SDK1: variants seen among roughly 807,000 people sequenced by gnomAD.
The protein encoded by SDK1 is sidekick cell adhesion molecule 1, also known as protein sidekick-1.
SDK1 carries 157 observed loss-of-function variants against 245.5 expected under a neutral mutation model. The ratio of observed to expected loss-of-function variants is 0.64; its 90% CI spans 0.56 to 0.73. The LOEUF is 0.73. Among genes scored for constraint, SDK1 ranks in the 30% least tolerant of loss-of-function variants. SDK1 has a pLI of 0.00. For synonymous variants in SDK1, 1,647 were observed against 1,278.5 expected (o/e 1.29, Z -6.15); for missense variants, 3,583 against 3,002.3 (o/e 1.19, Z -4.52).
intron 4 of SDK1, among the ~76,000 whole-genome samples, chr7:3,656,902 C>T (rs939788680): frequency 4.7e-4 from 71 of 152,236 alleles, no homozygotes; most frequent in African/African-American, 1.5e-3. Context: ...CGCCGGCCAC[C>T]GCGCCCGGCT....
chr7:3,496,550 T>C (rs1344964424), intron 1 of SDK1, among the ~76,000 whole-genome samples: 1 of 152,196 alleles, frequency 6.6e-6, no homozygotes, highest in East Asian at 1.9e-4. Flanking sequence ...TCATATTCTT[T>C]TGCATGAACA....
intron 38 of SDK1, among the ~76,000 whole-genome samples, chr7:4,216,485 G>A (rs1784803139): frequency 6.6e-6 from 1 of 152,202 alleles, no homozygotes; most frequent in African/African-American, 2.4e-5. Context: ...ATTGCATCAG[G>A]ATTCCCAACG....
At chr7:3,477,388 G>T (rs1307261361) in intron 1 of SDK1, among the ~76,000 whole-genome samples, 1 of 150,950 alleles carries the variant, frequency 6.6e-6, no homozygotes, top group East Asian at 2.0e-4. Flanking sequence ...TAGAGATGGG[G>T]TTTCACCTTG....
chr7:3,594,155 C>G (rs1007615959), intron 1 of SDK1, among the ~76,000 whole-genome samples: 1 of 152,194 alleles, frequency 6.6e-6, no homozygotes, highest in African/African-American at 2.4e-5. Flanking sequence ...CACTCACCTA[C>G]TTTGTATAGA....
At chr7:3,719,021 T>G (rs1311637360) in intron 4 of SDK1, among the ~76,000 whole-genome samples, 2 of 152,234 alleles carry the variant, frequency 1.3e-5, no homozygotes, top group Non-Finnish European at 2.9e-5. Flanking sequence ...ATGCCATTTA[T>G]AATTGTTCCT....
chr7:3,926,899 G>A (rs1779790959), intron 5 of SDK1, among the ~76,000 whole-genome samples: 2 of 152,336 alleles, frequency 1.3e-5, no homozygotes, highest in South Asian at 4.1e-4. Context: ...AGGGGCAAGG[G>A]TAGGCAGATG....
intron 19 of SDK1, among the ~76,000 whole-genome samples, chr7:4,056,802 G>A (rs903835153): frequency 5.9e-5 from 9 of 152,080 alleles, no homozygotes; most frequent in African/African-American, 1.4e-4. Context: ...AGAACATTCC[G>A]CCGTGGGTCC....
At chr7:4,094,887 G>C (rs1343758771) in intron 22 of SDK1, among the ~76,000 whole-genome samples, 1 of 152,192 alleles carries the variant, frequency 6.6e-6, no homozygotes, top group East Asian at 1.9e-4. Flanking sequence ...TGACACATTG[G>C]TTTTACCTAA....
chr7:4,178,630 A>G (rs769212148), intron 35 of SDK1, 44 bp downstream of exon 35: 5 of 1,414,442 alleles, frequency 3.5e-6, no homozygotes, highest in Middle Eastern at 3.9e-4. Flanking sequence ...AGAGGGCCAC[A>G]GTGGTGGGGA....
intron 4 of SDK1, among the ~76,000 whole-genome samples, chr7:3,724,988 T>C (rs1778967545): frequency 6.6e-6 from 1 of 152,258 alleles, no homozygotes; most frequent in Non-Finnish European, 1.5e-5. Context: ...CCAGCTCAGC[T>C]GCCTCAGAGG....
intron 1 of SDK1, among the ~76,000 whole-genome samples, chr7:3,310,333 G>T (rs983443549): frequency 5.9e-5 from 9 of 152,200 alleles, no homozygotes; most frequent in Non-Finnish European, 1.3e-4. Flanking sequence ...GCAAAATTGA[G>T]AATGGGTTGG....
At chr7:3,620,191 G>C (rs1039639161) in intron 2 of SDK1, among the ~76,000 whole-genome samples, 1 of 151,924 alleles carries the variant, frequency 6.6e-6, no homozygotes, top group African/African-American at 2.4e-5. Context: ...GTTGTGATAC[G>C]GTGGTCCGTG....
At chr7:3,570,342 C>G (rs1480005473) in intron 1 of SDK1, among the ~76,000 whole-genome samples, 1 of 152,088 alleles carries the variant, frequency 6.6e-6, no homozygotes, top group African/African-American at 2.4e-5. Context: ...GGGTTTATGC[C>G]CCTATGAAAA....
At chr7:3,557,867 T>C (rs1162057640) in intron 1 of SDK1, among the ~76,000 whole-genome samples, 2 of 152,208 alleles carry the variant, frequency 1.3e-5, no homozygotes, top group Non-Finnish European at 2.9e-5. Flanking sequence ...CATGTTATGT[T>C]GAGACATTGC....
chr7:3,935,959 T>G (rs897089547), intron 5 of SDK1, among the ~76,000 whole-genome samples: 2 of 152,204 alleles, frequency 1.3e-5, no homozygotes, highest in Admixed American at 6.5e-5. Flanking sequence ...AGCAGCACTA[T>G]TCATGCTAAT....
intron 31 of SDK1, among the ~76,000 whole-genome samples, chr7:4,161,022 G>C (rs561770472): frequency 7.0e-4 from 107 of 152,296 alleles, no homozygotes; most frequent in African/African-American, 2.5e-3. Flanking sequence ...TACAGAATGC[G>C]TGTCACACTT....
Position 4,049,424 on chromosome 7 carries a change from G to A in SDK1, c.2679G>A (p.Pro893=), listed in dbSNP as rs372139018. The A allele has an allele frequency of 6.6e-5, 107 of 1,613,944 alleles. No individual in the cohort carries two copies. The highest frequency in any genetic ancestry group is 8.6e-5 in the Non-Finnish European group (101 of 1,180,000). The part of the protein sequence containing the change: ...STTIQFLWNP[P]PQQFINGINQ... ...CCATTCAGTTCCTGTGGAACCCTCCGCCTCAGCAGTTTATCAATGGCATCA... is the reference window on the plus strand; with the variant it reads ...CCATTCAGTTCCTGTGGAACCCTCCACCTCAGCAGTTTATCAATGGCATCA... Residue 893 remains proline (P), a synonymous_variant, in exon 18 of 45, where the codon CCG becomes CCA. Coordinates refer to ENST00000404826, the MANE Select transcript of SDK1 (RefSeq NM_152744.4).
At chr7:3,394,980 C>A (rs1455262398) in intron 1 of SDK1, among the ~76,000 whole-genome samples, 1 of 151,976 alleles carries the variant, frequency 6.6e-6, no homozygotes, top group East Asian at 1.9e-4. Flanking sequence ...TCTTTACAAA[C>A]CGAATGTCTT....
chr7:3,787,186 A>ACT lies in SDK1; in HGVS notation c.714-34262_714-34261dup, dbSNP rs1245010214. ...CACACACACACACACACACACACAC[A>ACT]CTCCCATACAGAAAACTTTTCTCAG... On this transcript the variant is annotated intron_variant, in intron 4 of 44. Coordinates refer to ENST00000404826, the MANE Select transcript of SDK1 (RefSeq NM_152744.4). Among the ~76,000 whole-genome samples the ACT allele has an allele frequency of 3.4e-5, 5 of 147,416 alleles. No individual in the cohort carries two copies. The South Asian group carries it at 1.1e-3, about 32-fold the overall frequency.
Sources: gnomAD v4.1 joint callset for allele counts (sites outside exome capture counted in the v4.1 genomes callset) on GRCh38, gnomAD v4.1.1 for gene constraint, MANE v1.5 for transcripts, NCBI Gene and HGNC (gene_info 2026-07-23, HGNC 2026-07-21) for gene names.